The following NOS1AP variants were observed in gnomAD, a reference collection of about 807,000 sequenced individuals.
The protein encoded by NOS1AP is carboxyl-terminal PDZ ligand of neuronal nitric oxide synthase protein.
In NOS1AP, 21 loss-of-function variants were observed where a neutral mutation model predicts 56.2. That is an observed-to-expected ratio of 0.37 (90% confidence interval 0.26 to 0.54). NOS1AP has a LOEUF of 0.54. NOS1AP is among the 20% of genes least tolerant of loss of function. The pLI is 0.84. For missense variants in NOS1AP, 522 were observed against 657.8 expected, an observed-to-expected ratio of 0.79 and a Z score of 2.26; for synonymous variants, 270 against 274.6, an observed-to-expected ratio of 0.98 and a Z score of 0.17.
intron 4 of NOS1AP, among the ~76,000 whole-genome samples, chr1:162,323,797 A>G (rs535173919): frequency 2.0e-5 from 3 of 152,346 alleles, no homozygotes; most frequent in African/African-American, 7.2e-5. Flanking sequence ...TTGAGAAAGC[A>G]GACGAGCTGC....
intron 4 of NOS1AP, among the ~76,000 whole-genome samples, chr1:162,312,610 G>T (rs1441246110): frequency 3.5e-4 from 52 of 147,680 alleles, no homozygotes; most frequent in Middle Eastern, 3.4e-3. Flanking sequence ...TGTCAATTTT[G>T]GCTTTTGTTG....
chr1:162,272,841 A>G (rs886120558), intron 2 of NOS1AP, among the ~76,000 whole-genome samples: 6 of 152,290 alleles, frequency 3.9e-5, no homozygotes, highest in Non-Finnish European at 7.3e-5. Flanking sequence ...TTAGAGTTCT[A>G]TATCTTGAGC....
In NOS1AP at chr1:162,366,888, G is replaced by A. The variant is rs113738508; in HGVS notation, c.1106-164G>A. ...CGAGGTGTGTCTGGAGCTATGTGGGGGCGGGAGGAAGGGTGAAGTGTTAAG... is the reference window on the plus strand; with the variant it reads ...CGAGGTGTGTCTGGAGCTATGTGGGAGCGGGAGGAAGGGTGAAGTGTTAAG... On this transcript the variant is annotated intron_variant, in intron 9 of 9. Coordinates refer to ENST00000361897, the MANE Select transcript of NOS1AP (RefSeq NM_014697.3). 1.7e-3 allele frequency: 1,324 copies of A among 770,580 alleles called. 14 individuals carry two copies. The African/African-American group carries it at 0.019, about 11-fold the overall frequency. The allele number at this position is 770,580 out of a possible 1,614,324, so 47.7% of individuals were successfully genotyped here. A position where few individuals can be genotyped will look rare whatever the true frequency, so the allele number is the denominator to read the frequency against.
At position 162,103,324 on chromosome 1, in the gene NOS1AP, C is replaced by T. The variant is rs72713857; in HGVS notation, c.105+33042C>T. Among the ~76,000 whole-genome samples, 1,400 of 150,076 alleles carry T rather than the reference C, an allele frequency of 9.3e-3. 12 individuals are homozygous for T. The highest frequency in any genetic ancestry group is 0.023 in the South Asian group (108 of 4,770). ...TGTTATTATTTCAGTTTTTTTTTTGCGTTTGCTGAGGAGTATTTTACTTCT... is the reference window on the plus strand; with the variant it reads ...TGTTATTATTTCAGTTTTTTTTTTGTGTTTGCTGAGGAGTATTTTACTTCT... On this transcript the variant is annotated intron_variant, in intron 1 of 9. Transcript: ENST00000361897.
chr1:162,221,405 G>A (rs1370416086), intron 2 of NOS1AP, among the ~76,000 whole-genome samples: 3 of 151,944 alleles, frequency 2.0e-5, no homozygotes, highest in African/African-American at 7.3e-5. Context: ...TCTTTTGCTA[G>A]AAGAAAAAAA....
At chr1:162,245,860 G>A (rs1281069971) in intron 2 of NOS1AP, among the ~76,000 whole-genome samples, 3 of 152,190 alleles carry the variant, frequency 2.0e-5, no homozygotes, top group Non-Finnish European at 4.4e-5. Flanking sequence ...TCCCAGGTGG[G>A]CTATTTTAAT....
At chr1:162,168,211 C>A (rs1650597677) in intron 2 of NOS1AP, among the ~76,000 whole-genome samples, 1 of 152,192 alleles carries the variant, frequency 6.6e-6, no homozygotes, top group African/African-American at 2.4e-5. Context: ...CGATCCCTCT[C>A]TAGGGCTGAT....
intron 3 of NOS1AP, among the ~76,000 whole-genome samples, chr1:162,289,536 G>A (rs570247391): frequency 5.8e-5 from 8 of 138,862 alleles, no homozygotes; most frequent in East Asian, 2.2e-4. Context: ...GTGCAGTGGC[G>A]GGATCTCGGC....
chr1:162,357,043 C>G lies in NOS1AP; in HGVS notation c.846C>G (p.Gly282=), dbSNP rs886199851. 2.5e-6 allele frequency: 4 copies of G among 1,613,732 alleles called. No homozygotes were observed. The highest frequency in any genetic ancestry group is 2.5e-6 in the Non-Finnish European group (3 of 1,180,024). Residue 282 remains glycine, a synonymous_variant, in exon 8 of 10, where the codon GGC becomes GGG. Transcript: ENST00000361897. ...PSSSSKPPGL[G]TETPLSTHHQ... is the part of the protein sequence containing the mutation. Reference sequence around the variant, plus strand: ...CTTCCTCGAAGCCTCCAGGCCTGGGCACAGAGACACCGCTGTCCACTCACC... The same window carrying G: ...CTTCCTCGAAGCCTCCAGGCCTGGGGACAGAGACACCGCTGTCCACTCACC...
chr1:162,322,299 TC>T, intron 4 of NOS1AP, among the ~76,000 whole-genome samples: 1 of 152,116 alleles, frequency 6.6e-6, no homozygotes, highest in Non-Finnish European at 1.5e-5. Flanking sequence ...TTCCTCTTCC[TC>T]AGATACAGCA....
At chr1:162,259,601 T>C (rs1360688097) in intron 2 of NOS1AP, among the ~76,000 whole-genome samples, 1 of 152,208 alleles carries the variant, frequency 6.6e-6, no homozygotes, top group African/African-American at 2.4e-5. Context: ...AGATTATTTT[T>C]CTTAAACTGC....
At chr1:162,224,883 G>A (rs914398793) in intron 2 of NOS1AP, among the ~76,000 whole-genome samples, 1 of 152,170 alleles carries the variant, frequency 6.6e-6, no homozygotes, top group Non-Finnish European at 1.5e-5. Flanking sequence ...ATGGGCTGGG[G>A]GCTCTTGGGT....
chr1:162,281,079 T>C (rs940247874), intron 2 of NOS1AP, among the ~76,000 whole-genome samples: 10 of 152,172 alleles, frequency 6.6e-5, no homozygotes, highest in African/African-American at 2.4e-4. Context: ...TACTCCTAAC[T>C]GTACAGTCAA....
intron 6 of NOS1AP, among the ~76,000 whole-genome samples, chr1:162,347,890 C>A (rs985083161): frequency 6.6e-6 from 1 of 152,252 alleles, no homozygotes; most frequent in Non-Finnish European, 1.5e-5. Context: ...CACCTCCATG[C>A]AGACATCTTA....
At chr1:162,334,773 G>A (rs973448396) in intron 5 of NOS1AP, among the ~76,000 whole-genome samples, 3 of 152,098 alleles carry the variant, frequency 2.0e-5, no homozygotes, top group South Asian at 2.1e-4. Context: ...CTTATAACAC[G>A]TCTGTAAAGA....
intron 1 of NOS1AP, among the ~76,000 whole-genome samples, chr1:162,148,022 C>G (rs551650132): frequency 6.6e-6 from 1 of 152,128 alleles, no homozygotes; most frequent in Non-Finnish European, 1.5e-5. Flanking sequence ...CCACCCCTCT[C>G]GGTAAACCAG....
chr1:162,146,141 C>G (rs933988773), intron 1 of NOS1AP, among the ~76,000 whole-genome samples: 1 of 152,156 alleles, frequency 6.6e-6, no homozygotes, highest in Non-Finnish European at 1.5e-5. Context: ...TTCTGGGGGC[C>G]CTGTCCTTTC....
At chr1:162,279,547 C>T (rs975460085) in intron 2 of NOS1AP, among the ~76,000 whole-genome samples, 20 of 152,326 alleles carry the variant, frequency 1.3e-4, no homozygotes, top group African/African-American at 4.6e-4. Context: ...GCCCCAAAGC[C>T]CTCCTTAAGT....
chr1:162,242,676 A>G (rs1292668592), intron 2 of NOS1AP, among the ~76,000 whole-genome samples: 1 of 152,206 alleles, frequency 6.6e-6, no homozygotes, highest in Non-Finnish European at 1.5e-5. Flanking sequence ...GTAAAAAACA[A>G]TGGTGGTTGT....
Sources: gnomAD v4.1 joint callset for allele counts (sites outside exome capture counted in the v4.1 genomes callset) on GRCh38, gnomAD v4.1.1 for gene constraint, MANE v1.5 for transcripts, NCBI Gene and HGNC (gene_info 2026-07-23, HGNC 2026-07-21) for gene names.